The following C20orf203 variants were observed in gnomAD, a reference collection of about 807,000 sequenced individuals.
C20orf203 encodes the protein uncharacterized protein C20orf203.
C20orf203 carries 16 observed loss-of-function variants against 15.9 expected under a neutral mutation model. The observed-to-expected ratio is 1.01, with a 90% CI of 0.68 to 1.53. C20orf203 has a LOEUF of 1.53. Ranked by LOEUF, C20orf203 falls within the 40% of genes most tolerant of loss-of-function variation. The pLI is 0.00. For missense variants in C20orf203, 263 were observed against 247.5 expected, an observed-to-expected ratio of 1.06 and a Z score of -0.42; for synonymous variants, 98 against 97.2, an observed-to-expected ratio of 1.01 and a Z score of -0.05.
At position 32,637,420 on chromosome 20, in the gene C20orf203, A is replaced by AAAAG. The variant is rs570128547; in HGVS notation, c.*1299+3142_*1299+3145dup. The stretch of plus-strand genomic sequence containing the variant: ...GATAGAGCAAGACTGTCTCAAAATA[A>AAAAG]AAAGAAAGAAAGAAAGAAAAAGAAA... On this transcript the variant is annotated intron_variant, in intron 5 of 5. Coordinates refer to ENST00000608990, the MANE Select transcript of C20orf203 (RefSeq NM_182584.4). 3.9e-3 allele frequency among the ~76,000 whole-genome samples: 600 copies of AAAAG among 152,236 alleles called. 3 individuals carry two copies. Among genetic ancestry groups the AAAAG allele is most frequent in the African/African-American group, 0.013 (533 of 41,534 alleles).
At chr20:32,663,941 C>A (rs1256180547) in intron 1 of C20orf203, among the ~76,000 whole-genome samples, 2 of 152,252 alleles carry the variant, frequency 1.3e-5, no homozygotes, top group African/African-American at 2.4e-5. Flanking sequence ...GGGAAATGAA[C>A]CACTCAGGGC....
At chr20:32,645,613 A>G (rs945525064) in intron 4 of C20orf203, among the ~76,000 whole-genome samples, 1 of 152,178 alleles carries the variant, frequency 6.6e-6, no homozygotes, top group African/African-American at 2.4e-5. Context: ...CAGACATTGG[A>G]GAGGAGAGAG....
At position 32,633,975 on chromosome 20, in the gene C20orf203, C is replaced by T. The variant is rs1379400421; in HGVS notation, c.*1595G>A. ...CTTCCCCACTCCGGACTGTTTCATG[C>T]GTTCATTCATGTGTCCAACTCTTCA... On this transcript the variant is annotated 3_prime_UTR_variant, in exon 6 of 6. Coordinates refer to ENST00000608990, the MANE Select transcript of C20orf203 (RefSeq NM_182584.4). 4 of 398,470 alleles carry T rather than the reference C, an allele frequency of 1.0e-5. No homozygotes were observed. Among genetic ancestry groups the T allele is most frequent in the Non-Finnish European group, 1.8e-5 (4 of 226,078 alleles). 24.7% of individuals were successfully genotyped at this position (398,470 alleles called of 1,614,324 possible). A position where few individuals can be genotyped will look rare whatever the true frequency, so the allele number is the denominator to read the frequency against.
chr20:32,659,298 G>T (rs1054210829), intron 1 of C20orf203, among the ~76,000 whole-genome samples: 3 of 152,192 alleles, frequency 2.0e-5, no homozygotes, highest in African/African-American at 7.2e-5. Flanking sequence ...GTTTCTGGCC[G>T]TACAATTCAC....
intron 1 of C20orf203, chr20:32,657,882 C>G (rs1383916240): frequency 2.6e-5 from 4 of 151,678 alleles, no homozygotes; most frequent in Non-Finnish European, 5.9e-5. Flanking sequence ...ATCCCTTGAA[C>G]CTGGGAGGTG....
chr20:32,644,196 C>T (rs1358242245), intron 4 of C20orf203, among the ~76,000 whole-genome samples: 2 of 152,198 alleles, frequency 1.3e-5, no homozygotes, highest in Admixed American at 6.5e-5. Context: ...GCCTGTAATC[C>T]TAGCACTTTG....
At chr20:32,652,213 G>C (rs767541311) in intron 1 of C20orf203, among the ~76,000 whole-genome samples, 22 of 148,144 alleles carry the variant, frequency 1.5e-4, no homozygotes, top group Non-Finnish European at 2.5e-4. Flanking sequence ...GGAGACTGAG[G>C]CACGAGAATC....
chr20:32,660,872 GC>G (rs1413434046), intron 1 of C20orf203, among the ~76,000 whole-genome samples: 1 of 124,912 alleles, frequency 8.0e-6, no homozygotes, highest in Non-Finnish European at 1.8e-5. Context: ...GCCAAGCAAA[GC>G]GGGGAAAGCC....
At chr20:32,653,432 C>T (rs1341374272) in intron 1 of C20orf203, among the ~76,000 whole-genome samples, 1 of 152,174 alleles carries the variant, frequency 6.6e-6, no homozygotes, top group Non-Finnish European at 1.5e-5. Flanking sequence ...ATCTGTGTGA[C>T]ATAGCATGCA....
intron 5 of C20orf203, among the ~76,000 whole-genome samples, chr20:32,635,610 G>C (rs961405385): frequency 1.3e-5 from 2 of 151,564 alleles, no homozygotes; most frequent in Admixed American, 1.3e-4. Context: ...GAGCCCAGGA[G>C]TTCAAGACCA....
At chr20:32,637,667 A>T (rs565810037) in intron 5 of C20orf203, among the ~76,000 whole-genome samples, 1 of 152,148 alleles carries the variant, frequency 6.6e-6, no homozygotes, top group Non-Finnish European at 1.5e-5. Context: ...TCAGCTCCAC[A>T]TGGGCAGGGG....
intron 1 of C20orf203, among the ~76,000 whole-genome samples, chr20:32,652,990 A>G (rs1982673054): frequency 6.6e-6 from 1 of 152,186 alleles, no homozygotes; most frequent in South Asian, 2.1e-4. Context: ...TGGTCTAGCC[A>G]CAGGAAGTCT....
In C20orf203 at chr20:32,662,040, T is replaced by C. The variant is rs6141776; in HGVS notation, c.-263-10059A>G. Among the ~76,000 whole-genome samples, 352 of 152,270 alleles carry C rather than the reference T, an allele frequency of 2.3e-3. 13 individuals are homozygous for C. The East Asian group carries it at 0.063, about 27-fold the overall frequency. On this transcript the variant is annotated intron_variant, in intron 1 of 5. Coordinates refer to ENST00000608990, the MANE Select transcript of C20orf203 (RefSeq NM_182584.4). Reference sequence around the variant, plus strand: ...CTGGAGACACAGGCAGAATCAGAACTGGGAGTTGCCCAGCACTTTCCACCA... The same window carrying C: ...CTGGAGACACAGGCAGAATCAGAACCGGGAGTTGCCCAGCACTTTCCACCA...
In C20orf203 at chr20:32,631,763, G is replaced by A. The variant is rs577088609; in HGVS notation, c.*3807C>T. ...CAGCTGGCCACATGGCTGGGAGCCT[G>A]AAGCAGGGCTCAGTCTGGGCGCTCA... On this transcript the variant is annotated 3_prime_UTR_variant, in exon 6 of 6. Transcript: ENST00000608990. 6.6e-6 allele frequency: 1 copy of A among 152,376 alleles called. No individual in the cohort carries two copies. The highest frequency in any genetic ancestry group is 2.4e-5 in the African/African-American group (1 of 41,586). The allele number at this position is 152,376 out of a possible 1,614,324, so 9.4% of individuals were successfully genotyped here.
chr20:32,652,298 G>C (rs886179212), intron 1 of C20orf203, among the ~76,000 whole-genome samples: 1 of 142,868 alleles, frequency 7.0e-6, no homozygotes, highest in South Asian at 2.3e-4. Flanking sequence ...ACTTCAGCCT[G>C]GGCGACAGAG....
At chr20:32,636,623 C>T (rs1425876452) in intron 5 of C20orf203, among the ~76,000 whole-genome samples, 4 of 152,210 alleles carry the variant, frequency 2.6e-5, no homozygotes, top group African/African-American at 9.7e-5. Context: ...CCCTGGAAGA[C>T]AGCCTCGTCC....
chr20:32,644,463 C>A (rs1266122420), intron 4 of C20orf203, among the ~76,000 whole-genome samples: 4 of 151,978 alleles, frequency 2.6e-5, no homozygotes, highest in African/African-American at 7.3e-5. Flanking sequence ...CCAAAACAAA[C>A]CAAAACAAAA....
At chr20:32,651,219 T>G in intron 2 of C20orf203, 53 bp from the exon 3 acceptor site, 2 of 484,408 alleles carry the variant, frequency 4.1e-6, no homozygotes, top group Non-Finnish European at 7.1e-6. Flanking sequence ...GGCTTGCGCC[T>G]GAGGGTTCAG....
chr20:32,668,184 G>T (rs1222256198), intron 1 of C20orf203, among the ~76,000 whole-genome samples: 1 of 152,132 alleles, frequency 6.6e-6, no homozygotes, highest in Non-Finnish European at 1.5e-5. Context: ...CTGTAAGAGT[G>T]GTTACACCAA....
Sources: allele counts gnomAD v4.1 joint callset (sites outside exome capture counted in the v4.1 genomes callset), GRCh38; gene constraint gnomAD v4.1.1; transcripts MANE v1.5; gene names NCBI Gene and HGNC (gene_info 2026-07-23, HGNC 2026-07-21).